Variants in TACR1 observed in about 807,000 individuals in gnomAD.
The protein encoded by TACR1 is substance-P receptor.
A neutral mutation model predicts 35.8 loss-of-function variants in TACR1; 25 were observed. The observed-to-expected ratio is 0.70, with a 90% CI of 0.51 to 0.98. The LOEUF is 0.98. Ranked by LOEUF, TACR1 falls within the 50% of genes least tolerant of loss-of-function variation. TACR1 has a pLI of 0.00. For missense variants in TACR1, 478 were observed against 522.9 expected, an observed-to-expected ratio of 0.91 and a Z score of 0.84; for synonymous variants, 195 against 206.7, an observed-to-expected ratio of 0.94 and a Z score of 0.48.
intron 1 of TACR1, among the ~76,000 whole-genome samples, chr2:75,158,495 A>G (rs73935571): frequency 0.029 from 4,396 of 152,326 alleles, 203 homozygotes; most frequent in African/African-American, 0.1. Flanking sequence ...CTGGGGGAAG[A>G]GTGCTCTATC....
At chr2:75,054,375 A>G (rs1188117645) in intron 2 of TACR1, among the ~76,000 whole-genome samples, 3 of 152,226 alleles carry the variant, frequency 2.0e-5, no homozygotes, top group African/African-American at 7.2e-5. Context: ...TAGAACTAGA[A>G]TTAGTGGGTG....
intron 1 of TACR1, among the ~76,000 whole-genome samples, chr2:75,142,729 G>A (rs1674434080): frequency 6.6e-6 from 1 of 152,144 alleles, no homozygotes; most frequent in Non-Finnish European, 1.5e-5. Context: ...GGTTACCAGA[G>A]GAGAGGGCAA....
chr2:75,097,895 A>G (rs537992677), intron 2 of TACR1, among the ~76,000 whole-genome samples: 1 of 152,296 alleles, frequency 6.6e-6, no homozygotes, highest in African/African-American at 2.4e-5. Context: ...GCTCTTTGAA[A>G]AGAAAAACAT....
intron 1 of TACR1, among the ~76,000 whole-genome samples, chr2:75,195,087 A>T (rs1052670170): frequency 2.6e-5 from 4 of 152,184 alleles, no homozygotes; most frequent in African/African-American, 7.2e-5. Flanking sequence ...TGTGTCCCCC[A>T]TCTTCAAATT....
At chr2:75,136,631 C>A (rs1674297284) in intron 1 of TACR1, among the ~76,000 whole-genome samples, 1 of 152,154 alleles carries the variant, frequency 6.6e-6, no homozygotes, top group African/African-American at 2.4e-5. Flanking sequence ...ATCCCTGAAC[C>A]AGCATCTCTC....
intron 1 of TACR1, among the ~76,000 whole-genome samples, chr2:75,139,598 A>G (rs1020651330): frequency 1.3e-5 from 2 of 152,206 alleles, no homozygotes; most frequent in East Asian, 3.8e-4. Context: ...AGGTCTCTAC[A>G]TAGAGAATTA....
intron 1 of TACR1, among the ~76,000 whole-genome samples, chr2:75,193,320 G>A (rs1049385186): frequency 7.2e-5 from 11 of 152,182 alleles, no homozygotes; most frequent in African/African-American, 2.2e-4. Context: ...TTTGATGGAC[G>A]GATGGATGAG....
intron 1 of TACR1, among the ~76,000 whole-genome samples, chr2:75,192,428 T>G (rs1022670803): frequency 6.6e-6 from 1 of 152,218 alleles, no homozygotes; most frequent in Middle Eastern, 3.2e-3. Context: ...TTTAATAATT[T>G]ATTGAATTTA....
chr2:75,165,720 A>G (rs1218043955), intron 1 of TACR1, among the ~76,000 whole-genome samples: 1 of 152,174 alleles, frequency 6.6e-6, no homozygotes, highest in Non-Finnish European at 1.5e-5. Flanking sequence ...CGCCCAGGCT[A>G]ACGCTGGTAC....
intron 1 of TACR1, among the ~76,000 whole-genome samples, chr2:75,174,338 G>A (rs3771852): frequency 0.64 from 97,135 of 152,042 alleles, 31,587 homozygotes; most frequent in African/African-American, 0.7. Flanking sequence ...AACCATGGAT[G>A]GTACTGAACC....
chr2:75,178,713 C>G (rs747812381), intron 1 of TACR1, among the ~76,000 whole-genome samples: 1 of 152,082 alleles, frequency 6.6e-6, no homozygotes, highest in Non-Finnish European at 1.5e-5. Context: ...AGTCTTGGTC[C>G]TCATTTTACT....
intron 1 of TACR1, among the ~76,000 whole-genome samples, chr2:75,157,053 C>G (rs1036923775): frequency 1.3e-5 from 2 of 152,142 alleles, no homozygotes; most frequent in Non-Finnish European, 1.5e-5. Flanking sequence ...CCCATGCATT[C>G]CAGCTGCTGA....
rs556533181 is a variant in TACR1 at position 75,114,303 on chromosome 2, A to G, written c.584+6271T>C. On this transcript the variant is annotated intron_variant, in intron 2 of 4. Coordinates refer to ENST00000305249, the MANE Select transcript of TACR1 (RefSeq NM_001058.4). ...AGAAATTTAATTATCAGAAAATGAC[A>G]TATGACCAATATTAATAAATGACTC... 1.5e-3 allele frequency among the ~76,000 whole-genome samples: 235 copies of G among 152,356 alleles called. 3 individuals carry two copies. Among genetic ancestry groups the G allele is most frequent in the African/African-American group, 4.5e-3 (189 of 41,590 alleles).
At position 75,047,900 on chromosome 2, in the gene TACR1, GAGGACATTC is replaced by G. The variant is rs1230230805; in HGVS notation, c.*1523_*1531del. On this transcript the variant is annotated 3_prime_UTR_variant, in exon 5 of 5. Transcript: ENST00000305249. ...GTGCATCCATTATGCAAACTACCAG[GAGGACATTC>G]ATGGATGTTACATGAAGCTTCTGCT... 4 of 152,208 alleles carry G rather than the reference GAGGACATTC, an allele frequency of 2.6e-5. No homozygotes were observed. Among genetic ancestry groups the G allele is most frequent in the Middle Eastern group, 6.8e-3 (2 of 294 alleles). The allele number at this position is 152,208 out of a possible 1,614,324, so 9.4% of individuals were successfully genotyped here.
At chr2:75,117,486 A>G (rs1673889417) in intron 2 of TACR1, among the ~76,000 whole-genome samples, 1 of 152,216 alleles carries the variant, frequency 6.6e-6, no homozygotes, top group African/African-American at 2.4e-5. Flanking sequence ...TGATGCTAAC[A>G]TTGGTAGTTA....
At chr2:75,160,854 C>T (rs2103991982) in intron 1 of TACR1, among the ~76,000 whole-genome samples, 1 of 149,474 alleles carries the variant, frequency 6.7e-6, no homozygotes, top group South Asian at 2.1e-4. Flanking sequence ...AGAGGGGATA[C>T]ATATCCAGAG....
chr2:75,163,858 A>T (rs1475472239), intron 1 of TACR1, among the ~76,000 whole-genome samples: 3 of 152,224 alleles, frequency 2.0e-5, no homozygotes, highest in African/African-American at 7.2e-5. Flanking sequence ...AAAATGAATC[A>T]TTTAAGTTTC....
intron 2 of TACR1, among the ~76,000 whole-genome samples, chr2:75,085,747 A>G (rs1045866115): frequency 2.0e-5 from 3 of 151,862 alleles, no homozygotes; most frequent in African/African-American, 2.4e-5. Flanking sequence ...TCCAGTCCCA[A>G]CCACTCTCCC....
At chr2:75,090,517 T>C (rs1673288455) in intron 2 of TACR1, among the ~76,000 whole-genome samples, 1 of 152,204 alleles carries the variant, frequency 6.6e-6, no homozygotes, top group African/African-American at 2.4e-5. Context: ...TTCCTTTCTA[T>C]TGATCCCAAG....
Sources: allele counts gnomAD v4.1 joint callset (sites outside exome capture counted in the v4.1 genomes callset), GRCh38; gene constraint gnomAD v4.1.1; transcripts MANE v1.5; gene names NCBI Gene and HGNC (gene_info 2026-07-23, HGNC 2026-07-21).